FSTL4: variants seen among roughly 807,000 people sequenced by gnomAD.
FSTL4 encodes follistatin-related protein 4.
A neutral mutation model predicts 78.2 loss-of-function variants in FSTL4; 28 were observed. The ratio of observed to expected loss-of-function variants is 0.36; its 90% confidence interval spans 0.27 to 0.49. FSTL4 has a LOEUF of 0.49. Among genes scored for constraint, FSTL4 ranks in the 20% least tolerant of loss-of-function variants. The pLI is 0.98. For synonymous variants in FSTL4, 422 were observed against 440.5 expected (o/e 0.96, Z 0.53); for missense variants, 922 against 1,084.9 (o/e 0.85, Z 2.11).
chr5:133,739,773 G>A, the FSTL4 span, among the ~76,000 whole-genome samples: 7 of 152,178 alleles, frequency 4.6e-5, no homozygotes, highest in African/African-American at 1.7e-4. Context: ...TCCTTCTGTG[G>A]AGAAGGTACA....
chr5:133,732,003 C>T, the FSTL4 span, among the ~76,000 whole-genome samples: 1 of 152,212 alleles, frequency 6.6e-6, no homozygotes, highest in Non-Finnish European at 1.5e-5. Flanking sequence ...TGCCCACTCC[C>T]TCCAGCTGAG....
At chr5:133,555,957 G>A (rs375711169) in intron 3 of FSTL4, among the ~76,000 whole-genome samples, 6 of 152,290 alleles carry the variant, frequency 3.9e-5, no homozygotes, top group Middle Eastern at 3.4e-3. Context: ...GCATTGCCCA[G>A]ACCCGTGGGT....
Position 133,315,592 on chromosome 5 carries a change from G to C in FSTL4, c.603+867C>G, listed in dbSNP as rs111816254. On this transcript the variant is annotated intron_variant, in intron 5 of 15. Transcript: ENST00000265342. ...TTATTATCCATCCACTGGGTGGACAGTCTGTGGTCACAAGAAAAAGGCTGC... is the reference window on the plus strand; with the variant it reads ...TTATTATCCATCCACTGGGTGGACACTCTGTGGTCACAAGAAAAAGGCTGC... Among the ~76,000 whole-genome samples, 127 of 152,322 alleles carry C rather than the reference G, an allele frequency of 8.3e-4. 1 individual carries two copies. The highest frequency in any genetic ancestry group is 3.0e-3 in the African/African-American group (126 of 41,564).
At chr5:133,278,872 G>A (rs1052528232) in intron 6 of FSTL4, among the ~76,000 whole-genome samples, 3 of 152,320 alleles carry the variant, frequency 2.0e-5, no homozygotes, top group East Asian at 1.9e-4. Context: ...TCCCACAGAC[G>A]AATCAACTAA....
chr5:133,829,042 A>G, the FSTL4 span, among the ~76,000 whole-genome samples: 1 of 152,090 alleles, frequency 6.6e-6, no homozygotes, highest in Non-Finnish European at 1.5e-5. Context: ...GGACCTCCGA[A>G]AGGCACCATT....
chr5:133,443,623 C>T (rs1012147242), intron 3 of FSTL4, among the ~76,000 whole-genome samples: 2 of 152,162 alleles, frequency 1.3e-5, no homozygotes, highest in Admixed American at 1.3e-4. Context: ...TCTGACTCCT[C>T]CTAGTCAAGA....
chr5:133,592,286 A>G, intron 2 of FSTL4, among the ~76,000 whole-genome samples: 1 of 152,130 alleles, frequency 6.6e-6, no homozygotes, highest in Non-Finnish European at 1.5e-5. Flanking sequence ...CACATTCTTA[A>G]AGCTGTTTGT....
At chr5:133,604,534 C>T (rs960800121) in intron 1 of FSTL4, among the ~76,000 whole-genome samples, 1 of 152,076 alleles carries the variant, frequency 6.6e-6, no homozygotes, top group East Asian at 1.9e-4. Context: ...CATGGTGAAA[C>T]CCGGTCTCTA....
chr5:133,766,855 C>T, the FSTL4 span, among the ~76,000 whole-genome samples: 1 of 152,136 alleles, frequency 6.6e-6, no homozygotes, highest in Non-Finnish European at 1.5e-5. Flanking sequence ...TGTGGGAGTG[C>T]CGGGTGGGTT....
At chr5:133,576,540 G>T (rs1760284608) in intron 2 of FSTL4, among the ~76,000 whole-genome samples, 1 of 152,224 alleles carries the variant, frequency 6.6e-6, no homozygotes, top group South Asian at 2.1e-4. Flanking sequence ...AACGTGGCCA[G>T]ATCTTCATAG....
At chr5:133,435,627 T>G (rs559408721) in intron 3 of FSTL4, among the ~76,000 whole-genome samples, 1 of 152,368 alleles carries the variant, frequency 6.6e-6, no homozygotes, top group East Asian at 1.9e-4. Context: ...TTTGAAATGC[T>G]GTGTTAGGTT....
At chr5:133,693,451 T>C in the FSTL4 span, among the ~76,000 whole-genome samples, 1 of 152,236 alleles carries the variant, frequency 6.6e-6, no homozygotes, top group Non-Finnish European at 1.5e-5. Flanking sequence ...AAAATTGTAC[T>C]CTGTTCCCAC....
intron 3 of FSTL4, among the ~76,000 whole-genome samples, chr5:133,444,628 T>A (rs905321536): frequency 1.3e-5 from 2 of 152,242 alleles, no homozygotes; most frequent in African/African-American, 4.8e-5. Flanking sequence ...GGGCCCTGGC[T>A]TCCCCTCTCT....
At chr5:133,674,603 G>GTGTGTC in the FSTL4 span, among the ~76,000 whole-genome samples, 38 of 149,162 alleles carry the variant, frequency 2.5e-4, no homozygotes, top group Non-Finnish European at 4.4e-4. Flanking sequence ...GTGTGTGTGT[G>GTGTGTC]TGTGTGTCTG....
chr5:133,354,173 A>C (rs1004943912), intron 4 of FSTL4, among the ~76,000 whole-genome samples: 5 of 148,150 alleles, frequency 3.4e-5, no homozygotes, highest in Non-Finnish European at 5.9e-5. Context: ...GATAGCCGCC[A>C]AAAAGAAAAA....
At chr5:133,217,974 C>A (rs1345288453) in intron 12 of FSTL4, among the ~76,000 whole-genome samples, 1 of 152,196 alleles carries the variant, frequency 6.6e-6, no homozygotes, top group African/African-American at 2.4e-5. Flanking sequence ...TTGTTAATCT[C>A]ATTGAAACCT....
the FSTL4 span, among the ~76,000 whole-genome samples, chr5:133,797,116 C>A: frequency 6.6e-6 from 1 of 152,192 alleles, no homozygotes; most frequent in South Asian, 2.1e-4. Context: ...ATACAATCCC[C>A]AGAGGTCCTG....
chr5:133,364,905 C>A (rs956245676), intron 4 of FSTL4, among the ~76,000 whole-genome samples: 2 of 152,052 alleles, frequency 1.3e-5, no homozygotes, highest in Non-Finnish European at 2.9e-5. Context: ...TGATGTTCAT[C>A]CCCCTCTTAA....
chr5:133,675,133 C>T, the FSTL4 span, among the ~76,000 whole-genome samples: 7 of 151,940 alleles, frequency 4.6e-5, no homozygotes, highest in Admixed American at 1.3e-4. Context: ...AAGGCCTCTC[C>T]GAGAAAATGG....
Sources: allele counts gnomAD v4.1 joint callset (sites outside exome capture counted in the v4.1 genomes callset), GRCh38; gene constraint gnomAD v4.1.1; transcripts MANE v1.5; gene names NCBI Gene and HGNC (gene_info 2026-07-23, HGNC 2026-07-21).